VWC2: variants seen among roughly 807,000 people sequenced by gnomAD.
VWC2 encodes von Willebrand factor C domain containing 2, also known as brorin.
A neutral mutation model predicts 29.8 loss-of-function variants in VWC2; 14 were observed. The observed-to-expected ratio is 0.47, with a 90% CI of 0.31 to 0.74. The LOEUF is 0.74. VWC2 is among the 30% of genes least tolerant of loss of function. VWC2 has a pLI of 0.05. For synonymous variants in VWC2, 213 were observed against 199.0 expected, an observed-to-expected ratio of 1.07 and a Z score of -0.59; for missense variants, 457 against 459.8, an observed-to-expected ratio of 0.99 and a Z score of 0.05.
In VWC2 at chr7:49,916,487, C is replaced by T. The variant is rs889720692; in HGVS notation, c.*4302C>T. ...ATTGGAAGAATTGTCACTCTATGTC[C>T]CAGTAATAGTACTAATTTGGTTTCT... On this transcript the variant is annotated 3_prime_UTR_variant, in exon 4 of 4. Transcript: ENST00000340652. 1.1e-4 allele frequency: 16 copies of T among 152,150 alleles called. No individual in the cohort carries two copies. The highest frequency in any genetic ancestry group is 3.9e-4 in the African/African-American group (16 of 41,436). 9.4% of individuals were successfully genotyped at this position (152,150 alleles called of 1,614,324 possible).
chr7:49,907,949 C>A (rs1793194502), intron 3 of VWC2, among the ~76,000 whole-genome samples: 1 of 152,048 alleles, frequency 6.6e-6, no homozygotes, highest in South Asian at 2.1e-4. Context: ...CCAGACTCTT[C>A]ATTAATTCTC....
At chr7:49,784,188 G>A (rs1788244772) in intron 2 of VWC2, among the ~76,000 whole-genome samples, 1 of 152,224 alleles carries the variant, frequency 6.6e-6, no homozygotes, top group African/African-American at 2.4e-5. Flanking sequence ...TGAAGGAAGA[G>A]CTTCTAGTGT....
intron 2 of VWC2, among the ~76,000 whole-genome samples, chr7:49,781,218 C>T (rs1169120432): frequency 6.6e-5 from 10 of 152,024 alleles, no homozygotes; most frequent in African/African-American, 2.2e-4. Flanking sequence ...TCATTTTCTA[C>T]CCTTGTGTCT....
At chr7:49,789,076 G>T (rs964427148) in intron 2 of VWC2, among the ~76,000 whole-genome samples, 7 of 150,458 alleles carry the variant, frequency 4.7e-5, no homozygotes, top group Non-Finnish European at 8.9e-5. Flanking sequence ...GCGTGAGTGT[G>T]TGAGAGTGTA....
At chr7:49,807,704 A>G (rs1788910492) in intron 3 of VWC2, among the ~76,000 whole-genome samples, 1 of 152,222 alleles carries the variant, frequency 6.6e-6, no homozygotes, top group Non-Finnish European at 1.5e-5. Flanking sequence ...CAGCTTTATC[A>G]CTTTGAGTAT....
chr7:49,874,374 C>T (rs375958080), intron 3 of VWC2, among the ~76,000 whole-genome samples: 88 of 152,230 alleles, frequency 5.8e-4, no homozygotes, highest in East Asian at 1.5e-3. Context: ...AGGAACATGC[C>T]GTGCAGGTTT....
At chr7:49,896,466 T>A (rs772775254) in intron 3 of VWC2, among the ~76,000 whole-genome samples, 12 of 151,988 alleles carry the variant, frequency 7.9e-5, no homozygotes, top group Non-Finnish European at 1.5e-4. Context: ...AATAATTAAG[T>A]TCCTACTTGA....
chr7:49,907,063 G>A (rs997069418), intron 3 of VWC2, among the ~76,000 whole-genome samples: 1 of 152,162 alleles, frequency 6.6e-6, no homozygotes, highest in Non-Finnish European at 1.5e-5. Context: ...AACAAGTACT[G>A]GGTCTGTGTA....
chr7:49,807,081 C>T (rs745571273), intron 3 of VWC2, among the ~76,000 whole-genome samples: 24 of 152,012 alleles, frequency 1.6e-4, no homozygotes, highest in Non-Finnish European at 3.4e-4. Context: ...GGAAGTAAAT[C>T]TAACAAAATT....
Position 49,912,112 on chromosome 7 carries a change from G to A in VWC2, c.905G>A (p.Cys302Tyr). 6.2e-7 allele frequency: 1 copy of A among 1,614,096 alleles called. No individual in the cohort carries two copies. Among genetic ancestry groups the A allele is most frequent in the Non-Finnish European group, 8.5e-7 (1 of 1,180,012 alleles). The change falls in exon 4 of 4, where the codon TGT (cysteine) becomes TAT (tyrosine). Residue 302 changes from cysteine (C) to tyrosine (Y), a missense_variant. Coordinates refer to ENST00000340652, the MANE Select transcript of VWC2 (RefSeq NM_198570.5). The part of the protein sequence containing the change: ...VKTDECTICH[C>Y]TYEEGTWRIE... ...ACTGACGAGTGCACCATATGCCACT[G>A]TACTTATGAGGAAGGCACATGGAGA... is the stretch of plus-strand genomic sequence containing the variant.
chr7:49,900,894 G>A (rs553778866), intron 3 of VWC2, among the ~76,000 whole-genome samples: 2 of 151,968 alleles, frequency 1.3e-5, no homozygotes, highest in African/African-American at 4.8e-5. Context: ...CCAACCATGT[G>A]TAAGAATAAT....
Position 49,912,141 on chromosome 7 carries a change from G to C in VWC2, c.934G>C (p.Glu312Gln), listed in dbSNP as rs745745635. The C allele has an allele frequency of 6.2e-7, 1 of 1,613,912 alleles. No homozygotes were observed. Among genetic ancestry groups the C allele is most frequent in the African/African-American group, 1.3e-5 (1 of 74,876 alleles). Residue 312 changes from glutamate to glutamine, a missense_variant, in exon 4 of 4, where the codon GAG becomes CAG. Physicochemically the swap from Glu to Gln is conservative, Grantham distance 29. Coordinates refer to ENST00000340652, the MANE Select transcript of VWC2 (RefSeq NM_198570.5). ...CTYEEGTWRIERQAMCTRHEC... is the reference protein window; with the variant it reads ...CTYEEGTWRIQRQAMCTRHEC... ...TTATGAGGAAGGCACATGGAGAATC[G>C]AGCGGCAGGCCATGTGCACGAGACA...
intron 3 of VWC2, among the ~76,000 whole-genome samples, chr7:49,853,009 C>T (rs1187470534): frequency 6.6e-6 from 1 of 152,234 alleles, no homozygotes; most frequent in East Asian, 1.9e-4. Flanking sequence ...TTTCCTCTTC[C>T]TCACCCCACA....
intron 2 of VWC2, among the ~76,000 whole-genome samples, chr7:49,788,987 G>C (rs1269285850): frequency 1.3e-5 from 2 of 149,814 alleles, no homozygotes; most frequent in African/African-American, 2.5e-5. Context: ...GCATGTGTGT[G>C]TGAGGTGTGG....
In VWC2 at chr7:49,824,837, A is replaced by C. The variant is rs558040249; in HGVS notation, c.826+21997A>C. On this transcript the variant is annotated intron_variant, in intron 3 of 3. Coordinates refer to ENST00000340652, the MANE Select transcript of VWC2 (RefSeq NM_198570.5). The stretch of plus-strand genomic sequence containing the variant: ...TCAATTTCCAGTTGTTTGTTCCTTC[A>C]GTATAGAAATATATTTGATTTTTAT... Among the ~76,000 whole-genome samples the C allele has an allele frequency of 4.2e-3, 640 of 152,260 alleles. 4 individuals are homozygous for C. Among genetic ancestry groups the C allele is most frequent in the African/African-American group, 0.015 (608 of 41,578 alleles).
At chr7:49,889,137 T>C (rs1035507673) in intron 3 of VWC2, among the ~76,000 whole-genome samples, 1 of 152,204 alleles carries the variant, frequency 6.6e-6, no homozygotes, top group African/African-American at 2.4e-5. Flanking sequence ...TACAAATGAT[T>C]ATTCCCTCAT....
chr7:49,863,435 T>G (rs1254800128), intron 3 of VWC2, among the ~76,000 whole-genome samples: 1 of 152,162 alleles, frequency 6.6e-6, no homozygotes, highest in Non-Finnish European at 1.5e-5. Flanking sequence ...CCTTTTTTTC[T>G]TTTCTTTTCT....
At chr7:49,858,969 T>A (rs1790539672) in intron 3 of VWC2, among the ~76,000 whole-genome samples, 1 of 152,216 alleles carries the variant, frequency 6.6e-6, no homozygotes, top group Non-Finnish European at 1.5e-5. Context: ...TCAGAATATG[T>A]CAGGATATAT....
intron 2 of VWC2, among the ~76,000 whole-genome samples, chr7:49,799,707 C>T (rs887037037): frequency 6.6e-6 from 1 of 152,170 alleles, no homozygotes; most frequent in African/African-American, 2.4e-5. Flanking sequence ...GAAATGCATC[C>T]TTAGGTGATT....
Sources: allele counts gnomAD v4.1 joint callset (sites outside exome capture counted in the v4.1 genomes callset), GRCh38; gene constraint gnomAD v4.1.1; transcripts MANE v1.5; gene names NCBI Gene and HGNC (gene_info 2026-07-23, HGNC 2026-07-21).